KPNA3: variants seen among roughly 807,000 people sequenced by gnomAD.
KPNA3 encodes importin subunit alpha-4.
Under a neutral mutation model 73.8 loss-of-function variants are expected in KPNA3, and 13 were observed. The observed-to-expected ratio is 0.18, with a 90% CI of 0.11 to 0.28. The LOEUF is 0.28. Among genes scored for constraint, KPNA3 ranks in the 10% least tolerant of loss-of-function variants. KPNA3 has a pLI of 1.00. For missense variants in KPNA3, 360 were observed against 618.1 expected (o/e 0.58, Z 4.43); for synonymous variants, 186 against 206.9 (o/e 0.90, Z 0.87).
intron 1 of KPNA3, among the ~76,000 whole-genome samples, chr13:49,779,662 C>A (rs1954925558): frequency 6.6e-6 from 1 of 152,154 alleles, no homozygotes; most frequent in Admixed American, 6.5e-5. Flanking sequence ...AAACGAACAG[C>A]CTTCTTTCCA....
At chr13:49,788,644 GGGA>G (rs1955004152) in intron 1 of KPNA3, among the ~76,000 whole-genome samples, 1 of 151,870 alleles carries the variant, frequency 6.6e-6, no homozygotes, top group Non-Finnish European at 1.5e-5. Flanking sequence ...GCTTGAGCCT[GGGA>G]GGAGGCGAAG....
At chr13:49,715,087 T>C (rs1413927021) in intron 10 of KPNA3, among the ~76,000 whole-genome samples, 1 of 151,992 alleles carries the variant, frequency 6.6e-6, no homozygotes, top group Non-Finnish European at 1.5e-5. Flanking sequence ...TTCAGTGTCC[T>C]TGATAGAACA....
intron 1 of KPNA3, among the ~76,000 whole-genome samples, chr13:49,782,161 T>G (rs551019543): frequency 1.0e-3 from 156 of 152,298 alleles, no homozygotes; most frequent in Non-Finnish European, 1.9e-3. Flanking sequence ...CACCATAAGA[T>G]AGCCAATGGC....
intron 1 of KPNA3, among the ~76,000 whole-genome samples, chr13:49,790,068 C>A (rs1490495377): frequency 6.6e-6 from 1 of 152,120 alleles, no homozygotes; most frequent in Non-Finnish European, 1.5e-5. Context: ...TTCCTTATCC[C>A]CAAGACCTAA....
chr13:49,706,049 A>G (rs749646336), intron 14 of KPNA3, 49 bp downstream of exon 14: 1 of 1,492,314 alleles, frequency 6.7e-7, no homozygotes, highest in African/African-American at 1.4e-5. Flanking sequence ...AGAGAGCAGC[A>G]TGCTTTCCAG....
intron 1 of KPNA3, among the ~76,000 whole-genome samples, chr13:49,781,628 C>A (rs1204359518): frequency 6.6e-6 from 1 of 152,202 alleles, no homozygotes; most frequent in East Asian, 1.9e-4. Context: ...CTGTTTTCAG[C>A]TGCATACTGA....
At chr13:49,744,673 A>G (rs935955574) in intron 2 of KPNA3, among the ~76,000 whole-genome samples, 1 of 152,202 alleles carries the variant, frequency 6.6e-6, no homozygotes, top group Non-Finnish European at 1.5e-5. Context: ...GGGATTCACC[A>G]TGTTGGCCAG....
At chr13:49,718,587 C>G (rs1384502890) in intron 10 of KPNA3, among the ~76,000 whole-genome samples, 1 of 152,208 alleles carries the variant, frequency 6.6e-6, no homozygotes, top group African/African-American at 2.4e-5. Flanking sequence ...ACTAAACTTA[C>G]CTTTCAACAG....
chr13:49,705,231 C>A (rs564058007), intron 15 of KPNA3, among the ~76,000 whole-genome samples: 25 of 151,988 alleles, frequency 1.6e-4, no homozygotes, highest in African/African-American at 5.8e-4. Context: ...TGGTGGTGTG[C>A]GCCTGTAATC....
chr13:49,776,696 A>C (rs986823798), intron 1 of KPNA3, among the ~76,000 whole-genome samples: 2 of 152,212 alleles, frequency 1.3e-5, no homozygotes, highest in Non-Finnish European at 2.9e-5. Context: ...GATCATTCCC[A>C]AAATATTTAT....
intron 1 of KPNA3, among the ~76,000 whole-genome samples, chr13:49,773,248 T>C (rs1256722827): frequency 2.0e-5 from 3 of 152,190 alleles, no homozygotes; most frequent in African/African-American, 7.2e-5. Flanking sequence ...ATGGAGGAAC[T>C]TTTGGGAAGA....
At chr13:49,708,594 C>T (rs1284793074) in intron 12 of KPNA3, among the ~76,000 whole-genome samples, 1 of 152,120 alleles carries the variant, frequency 6.6e-6, no homozygotes, top group African/African-American at 2.4e-5. Flanking sequence ...CTGCAGCATT[C>T]TTCGTAATAG....
chr13:49,750,391 G>A (rs936988723), intron 1 of KPNA3, among the ~76,000 whole-genome samples: 1 of 152,136 alleles, frequency 6.6e-6, no homozygotes, highest in Non-Finnish European at 1.5e-5. Flanking sequence ...AGTGGCTCAC[G>A]CCTGTAATCC....
chr13:49,703,092 TCTC>T (rs1954163849), intron 15 of KPNA3, among the ~76,000 whole-genome samples: 1 of 151,720 alleles, frequency 6.6e-6, no homozygotes, highest in African/African-American at 2.4e-5. Flanking sequence ...ATGATCTTGA[TCTC>T]CTGACCTCGT....
intron 4 of KPNA3, 30 bp from the exon 5 acceptor site, chr13:49,732,687 GAAAA>G: frequency 7.2e-7 from 1 of 1,381,734 alleles, no homozygotes; most frequent in Non-Finnish European, 9.9e-7. Context: ...TTTCAGAAAT[GAAAA>G]AAAAAAAATC....
At chr13:49,764,334 T>C (rs1158666034) in intron 1 of KPNA3, among the ~76,000 whole-genome samples, 7 of 152,092 alleles carry the variant, frequency 4.6e-5, no homozygotes, top group East Asian at 1.9e-4. Flanking sequence ...ACCTCCATTA[T>C]AGGTATAACA....
intron 2 of KPNA3, 57 bp downstream of exon 2, chr13:49,746,892 A>G (rs1954621522): frequency 1.5e-6 from 2 of 1,311,518 alleles, no homozygotes; most frequent in Admixed American, 3.5e-5. Context: ...CAAGATACAC[A>G]GAATTTTAAC....
chr13:49,758,704 GTGTA>G (rs900538215), intron 1 of KPNA3, among the ~76,000 whole-genome samples: 32 of 152,076 alleles, frequency 2.1e-4, no homozygotes, highest in Admixed American at 1.7e-3. Context: ...GTGTTTATGT[GTGTA>G]TGTATGTATA....
At chr13:49,774,577 C>A (rs1954881037) in intron 1 of KPNA3, among the ~76,000 whole-genome samples, 1 of 152,156 alleles carries the variant, frequency 6.6e-6, no homozygotes, top group Non-Finnish European at 1.5e-5. Flanking sequence ...CTGCTGTAAA[C>A]ACTATACAGT....
Sources: gnomAD v4.1 joint callset for allele counts (sites outside exome capture counted in the v4.1 genomes callset) on GRCh38, gnomAD v4.1.1 for gene constraint, MANE v1.5 for transcripts, NCBI Gene and HGNC (gene_info 2026-07-23, HGNC 2026-07-21) for gene names.